PPM1A: variants seen among roughly 807,000 people sequenced by gnomAD.
PPM1A encodes protein phosphatase, Mg2+/Mn2+ dependent 1A.
A neutral mutation model predicts 35.0 loss-of-function variants in PPM1A; 7 were observed. That is an observed-to-expected ratio of 0.20 (90% CI 0.11 to 0.38). The LOEUF is 0.38. Ranked by LOEUF, PPM1A falls within the 10% of genes least tolerant of loss-of-function variation. The pLI, the probability that PPM1A is intolerant of heterozygous loss-of-function variation, is 1.00. For missense variants in PPM1A, 239 were observed against 467.8 expected (o/e 0.51, Z 4.51); for synonymous variants, 153 against 167.3 (o/e 0.91, Z 0.66).
chr14:60,270,987 A>G (rs985195419), intron 1 of PPM1A, among the ~76,000 whole-genome samples: 4 of 152,244 alleles, frequency 2.6e-5, no homozygotes, highest in African/African-American at 9.6e-5. Flanking sequence ...ATACAGATTT[A>G]TTCTCACAGT....
Position 60,249,625 on chromosome 14 carries a change from C to A in PPM1A, c.-73C>A. Reference sequence around the variant, plus strand: ...GCCGCGGTGACCCCCTCCCCGGCTGCCGCCGCCGCCGCCTCGGCCGACCAG... The same window carrying A: ...GCCGCGGTGACCCCCTCCCCGGCTGACGCCGCCGCCGCCTCGGCCGACCAG... On this transcript the variant is annotated 5_prime_UTR_variant, in exon 1 of 6. Coordinates refer to ENST00000395076, the MANE Select transcript of PPM1A (RefSeq NM_021003.5). The surrounding 1 kb of genome is among the most constrained non-coding windows in gnomAD (Gnocchi z 4.5). The A allele has an allele frequency of 1.0e-6, 1 of 985,532 alleles. No homozygotes were observed. Among genetic ancestry groups the A allele is most frequent in the Middle Eastern group, 5.2e-4 (1 of 1,912 alleles). 61.0% of individuals were successfully genotyped at this position (985,532 alleles called of 1,614,324 possible).
Position 60,289,660 on chromosome 14 carries a change from A to ATTT in PPM1A, c.953-134_953-132dup. On this transcript the variant is annotated intron_variant, in intron 3 of 5. Coordinates refer to ENST00000395076, the MANE Select transcript of PPM1A (RefSeq NM_021003.5). This position sits in a 1 kb window ranked among gnomAD's most constrained non-coding sequence, Gnocchi z 4.1. The stretch of plus-strand genomic sequence containing the variant: ...TCATAAATCTTCAAAGGTCAACCTG[A>ATTT]TTTTTTTTTTTTTTAAATGATACCA... 2.7e-5 allele frequency: 13 copies of ATTT among 477,712 alleles called. No individual in the cohort carries two copies. Among genetic ancestry groups the ATTT allele is most frequent in the Middle Eastern group, 5.6e-4 (1 of 1,770 alleles). 29.6% of individuals were successfully genotyped at this position (477,712 alleles called of 1,614,324 possible). A position where few individuals can be genotyped will look rare whatever the true frequency, so the allele number is the denominator to read the frequency against.
intron 2 of PPM1A, among the ~76,000 whole-genome samples, chr14:60,284,762 T>C (rs1353846302): frequency 6.7e-6 from 1 of 149,928 alleles, no homozygotes; most frequent in Non-Finnish European, 1.5e-5. Context: ...ATATAATACA[T>C]GCTACACCCT....
chr14:60,265,675 CTCTTGGT>C (rs1884289050), intron 1 of PPM1A, among the ~76,000 whole-genome samples: 2 of 152,238 alleles, frequency 1.3e-5, no homozygotes, highest in South Asian at 2.1e-4. Flanking sequence ...GTTTATATAG[CTCTTGGT>C]TCTGAGGGTG....
chr14:60,282,273 G>C lies in PPM1A; in HGVS notation c.-20-411G>C, dbSNP rs939484626. ...TGAAAATTCCTGAATGTTCAACCAA[G>C]ATATATTTGAGTTAGTAGATTTTTT... On this transcript the variant is annotated intron_variant, in intron 1 of 5. Coordinates refer to ENST00000395076, the MANE Select transcript of PPM1A (RefSeq NM_021003.5). The surrounding 1 kb of genome is among the most constrained non-coding windows in gnomAD (Gnocchi z 5.1). Among the ~76,000 whole-genome samples, 2 of 105,004 alleles carry C rather than the reference G, an allele frequency of 1.9e-5. No homozygotes were observed. The highest frequency in any genetic ancestry group is 1.9e-4 in the African/African-American group (2 of 10,434). 68.9% of individuals were successfully genotyped at this position (105,004 alleles called of 152,430 possible).
intron 1 of PPM1A, among the ~76,000 whole-genome samples, chr14:60,257,703 G>A (rs1595273757): frequency 6.6e-6 from 1 of 152,126 alleles, no homozygotes; most frequent in Admixed American, 6.5e-5. Context: ...ATCATGACTA[G>A]TAGGATCACA....
Position 60,283,053 on chromosome 14 carries a change from A to G in PPM1A, c.350A>G (p.Glu117Gly), listed in dbSNP as rs748972263. The G allele has an allele frequency of 6.2e-7, 1 of 1,614,256 alleles. No homozygotes were observed. Among genetic ancestry groups the G allele is most frequent in the Non-Finnish European group, 8.5e-7 (1 of 1,180,042 alleles). The stretch of plus-strand genomic sequence containing the variant: ...GATGAACACATGAGAGTTATGTCAG[A>G]GAAGAAACATGGTGCAGATAGAAGT... ...EIDEHMRVMS[E>G]KKHGADRSGS... Residue 117 changes from glutamate (E) to glycine (G), a missense_variant, in exon 2 of 6, where the codon GAG becomes GGG. Physicochemically the swap from Glu to Gly is moderately conservative, Grantham distance 98. Transcript: ENST00000395076. The surrounding 1 kb of genome is among the most constrained non-coding windows in gnomAD (Gnocchi z 6.3).
intron 1 of PPM1A, among the ~76,000 whole-genome samples, chr14:60,281,818 G>A (rs1370290809): frequency 1.3e-5 from 2 of 152,148 alleles, no homozygotes; most frequent in African/African-American, 2.4e-5. Context: ...GCTGTCACTA[G>A]ACCCTTTGAT....
At chr14:60,256,909 T>C (rs1883200756) in intron 1 of PPM1A, 1 of 152,204 alleles carries the variant, frequency 6.6e-6, no homozygotes, top group Non-Finnish European at 1.5e-5. Context: ...TCTTTGTACA[T>C]GAAGGGTATG....
rs1042499833 is a variant in PPM1A, at chr14:60,288,167, T to G, written c.953-1639T>G. Reference sequence around the variant, plus strand: ...CACGTGGAACAGGAGATATTAACTGTTTTTAAAGCTTTACATTATTTTTTT... The same window carrying G: ...CACGTGGAACAGGAGATATTAACTGGTTTTAAAGCTTTACATTATTTTTTT... On this transcript the variant is annotated intron_variant, in intron 3 of 5. Coordinates refer to ENST00000395076, the MANE Select transcript of PPM1A (RefSeq NM_021003.5). 14 of 985,026 alleles carry G rather than the reference T, an allele frequency of 1.4e-5. No individual in the cohort carries two copies. In the African/African-American group the frequency reaches 2.4e-4, roughly 17 times the overall value. The allele number at this position is 985,026 out of a possible 1,614,324, so 61.0% of individuals were successfully genotyped here. A position where few individuals can be genotyped will look rare whatever the true frequency, so the allele number is the denominator to read the frequency against.
chr14:60,277,791 C>T (rs1326005272), intron 1 of PPM1A, among the ~76,000 whole-genome samples: 1 of 152,106 alleles, frequency 6.6e-6, no homozygotes, highest in Admixed American at 6.5e-5. Context: ...CAAGGCATTG[C>T]CTCATTTAAA....
At chr14:60,264,230 A>C (rs1259310278) in intron 1 of PPM1A, among the ~76,000 whole-genome samples, 1 of 152,172 alleles carries the variant, frequency 6.6e-6, no homozygotes, top group African/African-American at 2.4e-5. Flanking sequence ...TCCCATCAGC[A>C]ACCTCAGTAT....
chr14:60,259,021 G>T (rs755073174), intron 1 of PPM1A, among the ~76,000 whole-genome samples: 2 of 152,056 alleles, frequency 1.3e-5, no homozygotes, highest in Non-Finnish European at 2.9e-5. Context: ...TGCGATTTGA[G>T]GTGTGGCTAT....
chr14:60,269,483 C>T lies in PPM1A; in HGVS notation c.-20-13201C>T, dbSNP rs530713589. 2.6e-5 allele frequency among the ~76,000 whole-genome samples: 4 copies of T among 152,270 alleles called. No individual in the cohort carries two copies. The South Asian group carries it at 8.3e-4, about 32-fold the overall frequency. On this transcript the variant is annotated intron_variant, in intron 1 of 5. Coordinates refer to ENST00000395076, the MANE Select transcript of PPM1A (RefSeq NM_021003.5). Reference sequence around the variant, plus strand: ...TTATAGGCATTACTTCGTTGCCTATCATCTGATGTTGCAAAGAAGTCTGGG... The same window carrying T: ...TTATAGGCATTACTTCGTTGCCTATTATCTGATGTTGCAAAGAAGTCTGGG...
At position 60,297,764 on chromosome 14, in the gene PPM1A, GCTT is replaced by G. The variant is rs1318489467; in HGVS notation, c.*5286_*5288del. On this transcript the variant is annotated 3_prime_UTR_variant, in exon 6 of 6. Coordinates refer to ENST00000395076, the MANE Select transcript of PPM1A (RefSeq NM_021003.5). ...AATGACACAAAATCATTTTAGCAAT[GCTT>G]CTTAACCTTTTGGGGTCACAGGCGT... 2.6e-5 allele frequency: 4 copies of G among 151,752 alleles called. No individual in the cohort carries two copies. Among genetic ancestry groups the G allele is most frequent in the African/African-American group, 7.2e-5 (3 of 41,486 alleles). 9.4% of individuals were successfully genotyped at this position (151,752 alleles called of 1,614,324 possible). A position where few individuals can be genotyped will look rare whatever the true frequency, so the allele number is the denominator to read the frequency against.
intron 3 of PPM1A, chr14:60,288,145 G>A (rs1887233695): frequency 2.0e-6 from 2 of 985,066 alleles, no homozygotes; most frequent in Non-Finnish European, 2.4e-6. Flanking sequence ...GTTGTCCCAC[G>A]TGGAACAGGA....
intron 1 of PPM1A, among the ~76,000 whole-genome samples, chr14:60,257,816 A>AT (rs149475912): frequency 0.27 from 41,595 of 151,990 alleles, 6,148 homozygotes; most frequent in African/African-American, 0.38. Flanking sequence ...ATGGCTATAT[A>AT]TTTTTTTGTT....
intron 1 of PPM1A, among the ~76,000 whole-genome samples, chr14:60,262,876 A>G (rs1303307987): frequency 1.3e-5 from 2 of 152,204 alleles, no homozygotes; most frequent in East Asian, 3.8e-4. Context: ...TCTTAGTGCA[A>G]TAAATGTTAA....
At chr14:60,278,068 G>T (rs1435051351) in intron 1 of PPM1A, among the ~76,000 whole-genome samples, 2 of 152,164 alleles carry the variant, frequency 1.3e-5, no homozygotes, top group Non-Finnish European at 2.9e-5. Flanking sequence ...GAAGATTAAA[G>T]AAGTTAATAC....
Sources: gnomAD v4.1 joint callset for allele counts (sites outside exome capture counted in the v4.1 genomes callset) on GRCh38, gnomAD v4.1.1 for gene constraint, Gnocchi (gnomAD v3.1) non-coding constraint, MANE v1.5 for transcripts, NCBI Gene and HGNC (gene_info 2026-07-23, HGNC 2026-07-21) for gene names.